Variants in CXCL10 observed in about 807,000 individuals in gnomAD.
CXCL10 encodes the protein C-X-C motif chemokine 10.
In CXCL10, 6 loss-of-function variants were observed where a neutral mutation model predicts 10.8. The ratio of observed to expected loss-of-function variants is 0.55; its 90% confidence interval spans 0.30 to 1.09. The LOEUF (loss-of-function observed/expected upper bound fraction) is 1.09. Ranked by LOEUF, CXCL10 falls within the 50% of genes least tolerant of loss-of-function variation. CXCL10 has a pLI of 0.06. For synonymous variants in CXCL10, 35 were observed against 35.8 expected (o/e 0.98, Z 0.08); for missense variants, 114 against 114.3 (o/e 1.00, Z 0.01).
At chr4:76,023,298 T>C in intron 1 of CXCL10, 73 bp downstream of exon 1, 1 of 1,174,996 alleles carries the variant, frequency 8.5e-7, no homozygotes, top group Non-Finnish European at 1.3e-6. Flanking sequence ...AATACATTAT[T>C]TCTGTATTTT....
chr4:76,023,176 T>C (rs139953201), intron 1 of CXCL10, among the ~76,000 whole-genome samples, 195 bp downstream of exon 1: 3 of 152,266 alleles, frequency 2.0e-5, no homozygotes, highest in Admixed American at 1.3e-4. Flanking sequence ...TTTTTCCTTC[T>C]CTTTCTCTTA....
chr4:76,022,086 G>A, intron 3 of CXCL10, 138 bp from the exon 4 acceptor site: 1 of 871,266 alleles, frequency 1.1e-6, no homozygotes, highest in East Asian at 2.4e-5. Flanking sequence ...GGATTATAGG[G>A]GTTGCTTTTT....
At position 76,022,327 on chromosome 4, in the gene CXCL10, C is replaced by G. The variant is rs759597737; in HGVS notation, c.278+39G>C. The G allele has an allele frequency of 2.6e-6, 4 of 1,539,538 alleles. 1 individual carries two copies. In the South Asian group the frequency reaches 4.5e-5, roughly 17 times the overall value. On this transcript the variant is annotated intron_variant, in intron 3 of 3. Coordinates refer to ENST00000306602, the MANE Select transcript of CXCL10 (RefSeq NM_001565.4). ...TTTCTGACTCCCAAGATTGCCGTTT[C>G]CTAAAGAGCAATTCTTCTGCAGGCA... is the stretch of plus-strand genomic sequence containing the variant.
At chr4:76,023,085 C>A (rs544587269) in intron 1 of CXCL10, among the ~76,000 whole-genome samples, 1 of 152,256 alleles carries the variant, frequency 6.6e-6, no homozygotes, top group Non-Finnish European at 1.5e-5. Flanking sequence ...AAGGAAGTAT[C>A]TGTATCTCAT....
intron 2 of CXCL10, 101 bp downstream of exon 2, chr4:76,022,590 C>A (rs1732959412): frequency 6.8e-7 from 1 of 1,476,332 alleles, no homozygotes; most frequent in Non-Finnish European, 9.2e-7. Flanking sequence ...GTTTTAGAAT[C>A]ATCACAAACC....
intron 1 of CXCL10, 134 bp from the exon 2 acceptor site, chr4:76,022,951 C>T (rs1733005536): frequency 1.3e-6 from 1 of 795,516 alleles, no homozygotes. Flanking sequence ...AGGAATGGAT[C>T]ACATCATAAC....
intron 2 of CXCL10, 43 bp from the exon 3 acceptor site, chr4:76,022,498 G>A (rs762097270): frequency 2.5e-6 from 4 of 1,577,118 alleles, no homozygotes; most frequent in African/African-American, 2.7e-5. Flanking sequence ...AACTGTGTTG[G>A]GTCAATAAAA....
rs3921 is a variant in CXCL10 at position 76,021,790 on chromosome 4, C to G, written c.*140G>C. The G allele has an allele frequency of 0.57, 464,769 of 808,708 alleles. 139,825 individuals carry two copies. Among genetic ancestry groups the G allele is most frequent in the East Asian group, 0.94 (38,310 of 40,954 alleles). The allele number at this position is 808,708 out of a possible 1,614,324, so 50.1% of individuals were successfully genotyped here. ...TAGTAGCAGCTGATTTGGTGACCATCATTGGTCACCTTTTAGTGTAACTGC... is the reference window on the plus strand; with the variant it reads ...TAGTAGCAGCTGATTTGGTGACCATGATTGGTCACCTTTTAGTGTAACTGC... On this transcript the variant is annotated 3_prime_UTR_variant, in exon 4 of 4. Coordinates refer to ENST00000306602, the MANE Select transcript of CXCL10 (RefSeq NM_001565.4).
rs115957425 is a variant in CXCL10 at position 76,022,284 on chromosome 4, C to G, written c.278+82G>C. On this transcript the variant is annotated intron_variant, in intron 3 of 3. Transcript: ENST00000306602. ...TACTTTTAAACCAGCGATTGCACAGCAAACCACAATGCAAGTATTTCTGAC... is the reference window on the plus strand; with the variant it reads ...TACTTTTAAACCAGCGATTGCACAGGAAACCACAATGCAAGTATTTCTGAC... 4.3e-6 allele frequency: 5 copies of G among 1,169,858 alleles called. No homozygotes were observed. In the African/African-American group the frequency reaches 6.0e-5, roughly 14 times the overall value. The allele number at this position is 1,169,858 out of a possible 1,614,324, so 72.5% of individuals were successfully genotyped here.
At chr4:76,022,098 C>A in intron 3 of CXCL10, 150 bp from the exon 4 acceptor site, 1 of 844,060 alleles carries the variant, frequency 1.2e-6, no homozygotes, top group South Asian at 1.5e-5. Context: ...TTGCTTTTTT[C>A]AACCATGAAA....
chr4:76,023,322 T>A, intron 1 of CXCL10, 49 bp downstream of exon 1: 1 of 1,379,516 alleles, frequency 7.2e-7, no homozygotes, highest in Non-Finnish European at 1.0e-6. Context: ...AATTTATACC[T>A]ATTCCTATTT....
At chr4:76,022,525 T>G in intron 2 of CXCL10, 70 bp from the exon 3 acceptor site, 1 of 1,511,118 alleles carries the variant, frequency 6.6e-7, no homozygotes, top group Non-Finnish European at 9.1e-7. Flanking sequence ...GCATACGCAG[T>G]TCTGAAGTCA....
intron 3 of CXCL10, 99 bp from the exon 4 acceptor site, chr4:76,022,047 G>C: frequency 3.5e-6 from 4 of 1,131,940 alleles, no homozygotes; most frequent in Non-Finnish European, 5.4e-6. Context: ...ATAGATAACT[G>C]AGCTTTCCTG....
chr4:76,021,824 A>G lies in CXCL10; in HGVS notation c.*106T>C. 1 of 1,127,350 alleles carries G rather than the reference A, an allele frequency of 8.9e-7. No homozygotes were observed. The highest frequency in any genetic ancestry group is 1.3e-6 in the Non-Finnish European group (1 of 743,952). The allele number at this position is 1,127,350 out of a possible 1,614,324, so 69.8% of individuals were successfully genotyped here. On this transcript the variant is annotated 3_prime_UTR_variant, in exon 4 of 4. Coordinates refer to ENST00000306602, the MANE Select transcript of CXCL10 (RefSeq NM_001565.4). ...CCTTTTAGTGTAACTGCAAACTAAG[A>G]ACAATTATGGCTTGACATATACTCC...
Position 76,021,867 on chromosome 4 carries a change from G to C in CXCL10, c.*63C>G. On this transcript the variant is annotated 3_prime_UTR_variant, in exon 4 of 4. Transcript: ENST00000306602. The stretch of plus-strand genomic sequence containing the variant: ...TATACTCCATGTAGGGAAGTGATGG[G>C]AGAGGCAGCCTCTGTGTGGTCCATC... The C allele has an allele frequency of 6.8e-7, 1 of 1,474,248 alleles. No homozygotes were observed. Among genetic ancestry groups the C allele is most frequent in the Non-Finnish European group, 9.5e-7 (1 of 1,053,406 alleles). 91.3% of individuals were successfully genotyped at this position (1,474,248 alleles called of 1,614,324 possible). A position where few individuals can be genotyped will look rare whatever the true frequency, so the allele number is the denominator to read the frequency against.
chr4:76,023,149 C>G (rs1733034063), intron 1 of CXCL10, among the ~76,000 whole-genome samples: 1 of 152,174 alleles, frequency 6.6e-6, no homozygotes, highest in Non-Finnish European at 1.5e-5. Flanking sequence ...TTCCCCATCT[C>G]TTCTGTCCTC....
At chr4:76,022,302 T>C in intron 3 of CXCL10, 64 bp downstream of exon 3, 1 of 1,345,232 alleles carries the variant, frequency 7.4e-7, no homozygotes, top group Non-Finnish European at 1.1e-6. Context: ...AATGCAAGTA[T>C]TTCTGACTCC....
chr4:76,022,250 G>T, intron 3 of CXCL10, 116 bp downstream of exon 3: 1 of 826,686 alleles, frequency 1.2e-6, no homozygotes, highest in Non-Finnish European at 2.0e-6. Flanking sequence ...GGAGGGCGTG[G>T]TGGTAACATA....
At chr4:76,022,283 G>A in intron 3 of CXCL10, 83 bp downstream of exon 3, 1 of 1,164,864 alleles carries the variant, frequency 8.6e-7, no homozygotes, top group Admixed American at 1.7e-5. Context: ...CGATTGCACA[G>A]CAAACCACAA....
Sources: gnomAD v4.1 joint callset for allele counts (sites outside exome capture counted in the v4.1 genomes callset) on GRCh38, gnomAD v4.1.1 for gene constraint, MANE v1.5 for transcripts, NCBI Gene and HGNC (gene_info 2026-07-23, HGNC 2026-07-21) for gene names.